ERI3: variants seen among roughly 807,000 people sequenced by gnomAD.
The protein encoded by ERI3 is ERI1 exoribonuclease family member 3.
A neutral mutation model predicts 44.4 loss-of-function variants in ERI3; 18 were observed. The ratio of observed to expected loss-of-function variants is 0.41; its 90% CI spans 0.28 to 0.60. The LOEUF (loss-of-function observed/expected upper bound fraction) is 0.60, where lower values mean the gene tolerates loss of function less well. Ranked by LOEUF, ERI3 falls within the 20% of genes least tolerant of loss-of-function variation. The pLI, the probability that ERI3 is intolerant of heterozygous loss-of-function variation, is 0.36. For synonymous variants in ERI3, 183 were observed against 164.8 expected (o/e 1.11, Z -0.84); for missense variants, 294 against 435.5 (o/e 0.68, Z 2.89).
intron 8 of ERI3, among the ~76,000 whole-genome samples, chr1:44,236,239 C>T (rs1039001126): frequency 1.3e-5 from 2 of 152,218 alleles, no homozygotes; most frequent in Non-Finnish European, 2.9e-5. Flanking sequence ...TCAATTCAAA[C>T]AGCACATTTT....
intron 3 of ERI3, among the ~76,000 whole-genome samples, chr1:44,337,231 C>T (rs1646552514): frequency 6.6e-6 from 1 of 152,078 alleles, no homozygotes; most frequent in Non-Finnish European, 1.5e-5. Context: ...CAGTAAATGC[C>T]ATAACAGAGG....
intron 6 of ERI3, among the ~76,000 whole-genome samples, chr1:44,297,641 C>T (rs753494497): frequency 1.3e-5 from 2 of 152,170 alleles, no homozygotes; most frequent in Non-Finnish European, 2.9e-5. Flanking sequence ...GAGCTGTCTC[C>T]GCATGTGACC....
chr1:44,296,145 C>T (rs1020487267), intron 6 of ERI3, among the ~76,000 whole-genome samples: 4 of 152,176 alleles, frequency 2.6e-5, no homozygotes, highest in South Asian at 2.1e-4. Context: ...CCCCCTCCAC[C>T]GTGCCTCCCA....
chr1:44,226,810 C>T (rs1351943098), intron 8 of ERI3, among the ~76,000 whole-genome samples: 1 of 151,694 alleles, frequency 6.6e-6, no homozygotes, highest in Non-Finnish European at 1.5e-5. Flanking sequence ...CACACACACA[C>T]ACACAAACTA....
chr1:44,263,369 T>G (rs935511786), intron 7 of ERI3, among the ~76,000 whole-genome samples: 2 of 152,322 alleles, frequency 1.3e-5, no homozygotes, highest in East Asian at 1.9e-4. Flanking sequence ...GCCCTGGCTT[T>G]CAGGGCAGGC....
chr1:44,291,485 A>T (rs944874449), intron 6 of ERI3, among the ~76,000 whole-genome samples: 1 of 152,162 alleles, frequency 6.6e-6, no homozygotes, highest in African/African-American at 2.4e-5. Context: ...TTATAGCCAG[A>T]ATCCCTTCTA....
intron 2 of ERI3, among the ~76,000 whole-genome samples, chr1:44,342,513 G>C (rs1646674837): frequency 6.6e-6 from 1 of 151,790 alleles, no homozygotes; most frequent in Non-Finnish European, 1.5e-5. Flanking sequence ...CTGATTAGAT[G>C]TGTATCAGAT....
intron 7 of ERI3, among the ~76,000 whole-genome samples, chr1:44,261,700 G>C (rs1644898599): frequency 6.6e-6 from 1 of 152,254 alleles, no homozygotes; most frequent in African/African-American, 2.4e-5. Context: ...GCTCCTTCCT[G>C]CCTGCACTTT....
At chr1:44,277,900 T>C (rs1009646404) in intron 7 of ERI3, among the ~76,000 whole-genome samples, 1 of 152,178 alleles carries the variant, frequency 6.6e-6, no homozygotes, top group African/African-American at 2.4e-5. Flanking sequence ...CTAGACAATG[T>C]AGGTACATAA....
chr1:44,322,824 G>C, intron 3 of ERI3: 1 of 1,550,086 alleles, frequency 6.5e-7, no homozygotes, highest in Non-Finnish European at 8.7e-7. Flanking sequence ...TCTGCACCAA[G>C]TTGGCACAAC....
At chr1:44,267,743 G>A (rs1225689152) in intron 7 of ERI3, among the ~76,000 whole-genome samples, 1 of 152,180 alleles carries the variant, frequency 6.6e-6, no homozygotes, top group Non-Finnish European at 1.5e-5. Context: ...GTGGTGCTGG[G>A]GACAGGCCAC....
chr1:44,331,400 C>T (rs1227136523), intron 3 of ERI3, among the ~76,000 whole-genome samples: 1 of 152,048 alleles, frequency 6.6e-6, no homozygotes, highest in African/African-American at 2.4e-5. Flanking sequence ...CACCCAAATG[C>T]TATGCTGAGG....
intron 6 of ERI3, among the ~76,000 whole-genome samples, chr1:44,293,899 G>T (rs1271107977): frequency 6.6e-6 from 1 of 152,168 alleles, no homozygotes; most frequent in Non-Finnish European, 1.5e-5. Flanking sequence ...CGGCTGCCAT[G>T]TAACACTGGG....
intron 8 of ERI3, among the ~76,000 whole-genome samples, chr1:44,240,066 G>A (rs748393228): frequency 6.6e-6 from 1 of 152,256 alleles, no homozygotes; most frequent in Non-Finnish European, 1.5e-5. Flanking sequence ...CCCAGTTTTG[G>A]AGGGGCCTCT....
intron 3 of ERI3, among the ~76,000 whole-genome samples, chr1:44,326,974 A>AGGTGTGCACACCTGT (rs1358791841): frequency 1.3e-5 from 2 of 152,324 alleles, no homozygotes; most frequent in East Asian, 3.9e-4. Context: ...TCCTCACCTG[A>AGGTGTGCACACCTGT]GGTGTGCACA....
At chr1:44,259,338 G>A (rs1644840221) in intron 7 of ERI3, among the ~76,000 whole-genome samples, 2 of 152,058 alleles carry the variant, frequency 1.3e-5, no homozygotes, top group Non-Finnish European at 2.9e-5. Context: ...GGGTGACTGG[G>A]GGCATGCTAA....
chr1:44,294,807 C>G (rs1645576887), intron 6 of ERI3, among the ~76,000 whole-genome samples: 1 of 152,252 alleles, frequency 6.6e-6, no homozygotes, highest in African/African-American at 2.4e-5. Flanking sequence ...ATTGAGCTGT[C>G]TCCAAGATAA....
intron 2 of ERI3, 67 bp from the exon 3 acceptor site, chr1:44,339,389 G>C: frequency 7.1e-7 from 1 of 1,416,002 alleles, no homozygotes; most frequent in Non-Finnish European, 9.3e-7. Flanking sequence ...AAAGAACAGA[G>C]AGCCTGGGTT....
At chr1:44,231,335 T>C (rs1048280747) in intron 8 of ERI3, among the ~76,000 whole-genome samples, 1 of 152,146 alleles carries the variant, frequency 6.6e-6, no homozygotes, top group Non-Finnish European at 1.5e-5. Flanking sequence ...CCTTACTCTC[T>C]CCATATATAT....
Sources: allele counts gnomAD v4.1 joint callset (sites outside exome capture counted in the v4.1 genomes callset), GRCh38; gene constraint gnomAD v4.1.1; transcripts MANE v1.5; gene names NCBI Gene and HGNC (gene_info 2026-07-23, HGNC 2026-07-21).